Variants in SGCZ observed in about 807,000 individuals in gnomAD.
The protein encoded by SGCZ is zeta-sarcoglycan.
A neutral mutation model predicts 41.3 loss-of-function variants in SGCZ; 40 were observed. The observed-to-expected ratio is 0.97, with a 90% CI of 0.75 to 1.26. The LOEUF (loss-of-function observed/expected upper bound fraction) is 1.26. Among genes scored for constraint, SGCZ ranks in the 50% most tolerant of loss-of-function variants. SGCZ has a pLI of 0.00. For synonymous variants in SGCZ, 206 were observed against 137.5 expected, an observed-to-expected ratio of 1.50 and a Z score of -3.49; for missense variants, 552 against 369.8, an observed-to-expected ratio of 1.49 and a Z score of -4.04.
intron 1 of SGCZ, among the ~76,000 whole-genome samples, chr8:14,567,034 G>A (rs962982027): frequency 1.3e-4 from 20 of 152,206 alleles, no homozygotes; most frequent in African/African-American, 4.1e-4. Context: ...CCGGCTCCCC[G>A]GGGCTGTGCT....
At chr8:14,251,910 A>T (rs1017232095) in intron 3 of SGCZ, among the ~76,000 whole-genome samples, 4 of 152,042 alleles carry the variant, frequency 2.6e-5, no homozygotes, top group African/African-American at 7.2e-5. Flanking sequence ...GGGTTTTGCA[A>T]TGTTGGCCAG....
At position 14,319,268 on chromosome 8, in the gene SGCZ, G is replaced by A. The variant is rs1231378516; in HGVS notation, c.336+4835C>T. ...AGCAGAACATTCATGTCATCAAAAG[G>A]AGAAAAATACCAAGGTGCCCTTGGA... On this transcript the variant is annotated intron_variant, in intron 3 of 7. Transcript: ENST00000382080. Among the ~76,000 whole-genome samples, 3 of 151,844 alleles carry A rather than the reference G, an allele frequency of 2.0e-5. No individual in the cohort carries two copies. The East Asian group carries it at 5.8e-4, about 29-fold the overall frequency.
At chr8:14,846,027 T>A (rs1803088835) in intron 1 of SGCZ, among the ~76,000 whole-genome samples, 1 of 152,154 alleles carries the variant, frequency 6.6e-6, no homozygotes. Context: ...ACCACAGGGT[T>A]TCAAATACAT....
At chr8:15,004,598 C>T (rs1173755580) in intron 1 of SGCZ, among the ~76,000 whole-genome samples, 1 of 152,188 alleles carries the variant, frequency 6.6e-6, no homozygotes, top group Non-Finnish European at 1.5e-5. Context: ...CTTCATCTTT[C>T]AGAGTGTACC....
At chr8:15,178,629 G>C (rs1250094570) in intron 1 of SGCZ, among the ~76,000 whole-genome samples, 5 of 152,108 alleles carry the variant, frequency 3.3e-5, no homozygotes, top group African/African-American at 1.2e-4. Flanking sequence ...TTGCTCAGCT[G>C]GAACACTGTA....
chr8:15,142,858 C>T (rs1028179810), intron 1 of SGCZ, among the ~76,000 whole-genome samples: 1 of 152,142 alleles, frequency 6.6e-6, no homozygotes, highest in African/African-American at 2.4e-5. Flanking sequence ...AATCCACCCA[C>T]CTTGGCCTCC....
chr8:15,157,904 G>T (rs1183987096), intron 1 of SGCZ, among the ~76,000 whole-genome samples: 2 of 152,184 alleles, frequency 1.3e-5, no homozygotes, highest in African/African-American at 4.8e-5. Flanking sequence ...ATCTGGCCTT[G>T]TTGTTCCTCC....
At chr8:14,552,269 T>C (rs958142098) in intron 2 of SGCZ, among the ~76,000 whole-genome samples, 1 of 152,092 alleles carries the variant, frequency 6.6e-6, no homozygotes, top group Non-Finnish European at 1.5e-5. Context: ...GTATTCAGGA[T>C]TGCTGAAGTC....
chr8:15,161,219 A>G (rs146242110), intron 1 of SGCZ, among the ~76,000 whole-genome samples: 1 of 151,928 alleles, frequency 6.6e-6, no homozygotes, highest in Non-Finnish European at 1.5e-5. Context: ...ACATTACATC[A>G]TGGACTTTAA....
intron 2 of SGCZ, among the ~76,000 whole-genome samples, chr8:14,517,430 T>C (rs959812727): frequency 6.6e-6 from 1 of 152,102 alleles, no homozygotes; most frequent in African/African-American, 2.4e-5. Context: ...TTTAAGTCCA[T>C]ATGAAGAAAC....
At chr8:14,845,722 G>C (rs192497149) in intron 1 of SGCZ, among the ~76,000 whole-genome samples, 4 of 152,178 alleles carry the variant, frequency 2.6e-5, no homozygotes, top group South Asian at 2.1e-4. Flanking sequence ...ATTAATGGCA[G>C]TTTAGATATT....
intron 2 of SGCZ, among the ~76,000 whole-genome samples, chr8:14,415,520 G>A (rs1799470572): frequency 6.6e-6 from 1 of 151,860 alleles, no homozygotes; most frequent in South Asian, 2.1e-4. Context: ...AAGTCAGAAT[G>A]CTTTATTCTG....
chr8:14,624,555 A>ATTTTTTTTTTTT (rs750064815), intron 1 of SGCZ, among the ~76,000 whole-genome samples: 1 of 96,268 alleles, frequency 1.0e-5, no homozygotes, highest in Non-Finnish European at 2.0e-5. Context: ...TATTATTATT[A>ATTTTTTTTTTTT]TTTTTTTTTT....
At chr8:14,843,294 T>A (rs915795547) in intron 1 of SGCZ, among the ~76,000 whole-genome samples, 5 of 152,150 alleles carry the variant, frequency 3.3e-5, no homozygotes, top group Non-Finnish European at 5.9e-5. Flanking sequence ...TCTTTTTTTT[T>A]AATATGGGGG....
At chr8:15,058,460 C>T (rs958621190) in intron 1 of SGCZ, among the ~76,000 whole-genome samples, 1 of 152,068 alleles carries the variant, frequency 6.6e-6, no homozygotes, top group Non-Finnish European at 1.5e-5. Flanking sequence ...AGAAGGAGGA[C>T]GTGAAGTGTA....
intron 5 of SGCZ, among the ~76,000 whole-genome samples, chr8:14,127,349 A>G (rs1289986355): frequency 6.6e-6 from 1 of 152,204 alleles, no homozygotes; most frequent in African/African-American, 2.4e-5. Flanking sequence ...CAAATGAATT[A>G]CTATAAATGA....
intron 1 of SGCZ, among the ~76,000 whole-genome samples, chr8:14,756,171 T>G (rs1799658134): frequency 1.3e-5 from 2 of 148,962 alleles, no homozygotes; most frequent in Non-Finnish European, 3.0e-5. Flanking sequence ...TAGGAATATT[T>G]TCAGTAGAAG....
intron 1 of SGCZ, among the ~76,000 whole-genome samples, chr8:14,881,773 T>A (rs7812655): frequency 6.6e-6 from 1 of 152,108 alleles, no homozygotes; most frequent in African/African-American, 2.4e-5. Context: ...AATAACAGAA[T>A]ATACATTTTC....
intron 1 of SGCZ, among the ~76,000 whole-genome samples, chr8:14,871,120 T>C (rs1027604303): frequency 2.0e-5 from 3 of 151,852 alleles, no homozygotes; most frequent in Non-Finnish European, 4.4e-5. Context: ...GGCAGAAGAA[T>C]CACTTGAACC....
Sources: gnomAD v4.1 joint callset for allele counts (sites outside exome capture counted in the v4.1 genomes callset) on GRCh38, gnomAD v4.1.1 for gene constraint, MANE v1.5 for transcripts, NCBI Gene and HGNC (gene_info 2026-07-23, HGNC 2026-07-21) for gene names.